The following SPPL2A variants were observed in gnomAD, a reference collection of about 807,000 sequenced individuals.
SPPL2A encodes the protein signal peptide peptidase-like 2A.
Under a neutral mutation model 63.8 loss-of-function variants are expected in SPPL2A, and 51 were observed. The observed-to-expected ratio is 0.80, with a 90% CI of 0.64 to 1.01. The LOEUF (loss-of-function observed/expected upper bound fraction) is 1.01, where lower values mean the gene tolerates loss of function less well. Among genes scored for constraint, SPPL2A ranks in the 50% least tolerant of loss-of-function variants. SPPL2A has a pLI of 0.00. For synonymous variants in SPPL2A, 188 were observed against 205.8 expected, an observed-to-expected ratio of 0.91 and a Z score of 0.74; for missense variants, 553 against 622.7, an observed-to-expected ratio of 0.89 and a Z score of 1.19.
chr15:50,718,079 C>T (rs1446499753), intron 14 of SPPL2A, among the ~76,000 whole-genome samples: 1 of 145,596 alleles, frequency 6.9e-6, no homozygotes, highest in Admixed American at 7.1e-5. Flanking sequence ...TCACGCCATT[C>T]TCCTGCCTCA....
At position 50,706,128 on chromosome 15, in the gene SPPL2A, AC is replaced by A. The variant is rs1401641787; in HGVS notation, c.*1671del. ...GAGATATGGCCGGGCGCGGTGGCTC[AC>A]GCCTGTAATCCCAGCACTTTGGGAG... On this transcript the variant is annotated 3_prime_UTR_variant, in exon 15 of 15. Coordinates refer to ENST00000261854, the MANE Select transcript of SPPL2A (RefSeq NM_032802.4). 6.6e-6 allele frequency: 1 copy of A among 152,170 alleles called. No individual in the cohort carries two copies. Among genetic ancestry groups the A allele is most frequent in the East Asian group, 1.9e-4 (1 of 5,192 alleles). The allele number at this position is 152,170 out of a possible 1,614,324, so 9.4% of individuals were successfully genotyped here. A position where few individuals can be genotyped will look rare whatever the true frequency, so the allele number is the denominator to read the frequency against.
intron 14 of SPPL2A, among the ~76,000 whole-genome samples, chr15:50,716,262 T>C (rs143581424): frequency 3.3e-5 from 5 of 152,320 alleles, no homozygotes; most frequent in African/African-American, 1.2e-4. Context: ...TGGCGCAATC[T>C]CAGCTCACTA....
rs530076861 is a variant in SPPL2A at position 50,737,611 on chromosome 15, C to T, written c.734-871G>A. Among the ~76,000 whole-genome samples the T allele has an allele frequency of 1.3e-4, 20 of 152,128 alleles. No individual in the cohort carries two copies. The South Asian group carries it at 3.1e-3, about 24-fold the overall frequency. On this transcript the variant is annotated intron_variant, in intron 6 of 14. Transcript: ENST00000261854. ...GGAACTACGGGCACGCACCACCATG[C>T]CCAGCTAATTTTTGTATTTTTAGTA...
At chr15:50,730,901 G>T in intron 10 of SPPL2A, 64 bp downstream of exon 10, 1 of 712,114 alleles carries the variant, frequency 1.4e-6, no homozygotes, top group South Asian at 1.6e-5. Context: ...AATAATCTAG[G>T]AGCAGATTTA....
chr15:50,749,559 T>A, intron 2 of SPPL2A, 77 bp downstream of exon 2: 1 of 937,752 alleles, frequency 1.1e-6, no homozygotes, highest in Non-Finnish European at 1.8e-6. Context: ...GTGCTGGGAT[T>A]ACAGGCATGA....
intron 14 of SPPL2A, among the ~76,000 whole-genome samples, chr15:50,713,086 CAAAGG>C (rs2062572626): frequency 6.6e-6 from 1 of 152,070 alleles, no homozygotes; most frequent in Non-Finnish European, 1.5e-5. Flanking sequence ...GAACTGATGT[CAAAGG>C]CCACAATACA....
At chr15:50,712,743 G>A (rs1456452835) in intron 14 of SPPL2A, among the ~76,000 whole-genome samples, 5 of 137,216 alleles carry the variant, frequency 3.6e-5, no homozygotes, top group East Asian at 2.2e-4. Flanking sequence ...GCAGTGATGC[G>A]ATCTCGATCT....
At chr15:50,741,666 C>T (rs1037668372) in intron 5 of SPPL2A, among the ~76,000 whole-genome samples, 1 of 152,102 alleles carries the variant, frequency 6.6e-6, no homozygotes, top group African/African-American at 2.4e-5. Context: ...ATTTATATCA[C>T]ATTAAAATAT....
chr15:50,732,800 T>A, intron 8 of SPPL2A, 116 bp from the exon 9 acceptor site: 1 of 663,370 alleles, frequency 1.5e-6, no homozygotes, highest in Non-Finnish European at 2.6e-6. Context: ...ATTCCTTTTT[T>A]TTTTTTAAGA....
intron 1 of SPPL2A, among the ~76,000 whole-genome samples, chr15:50,763,189 G>C (rs2063027189): frequency 6.6e-6 from 1 of 152,082 alleles, no homozygotes; most frequent in Non-Finnish European, 1.5e-5. Context: ...AATGGTAGAA[G>C]ACTTCAGACA....
chr15:50,718,282 G>A (rs1448794901), intron 14 of SPPL2A, among the ~76,000 whole-genome samples: 1 of 152,088 alleles, frequency 6.6e-6, no homozygotes, highest in Non-Finnish European at 1.5e-5. Flanking sequence ...CGGCTAGACT[G>A]TAACTTTCAA....
intron 1 of SPPL2A, among the ~76,000 whole-genome samples, chr15:50,754,479 G>GT (rs2141057809): frequency 6.6e-6 from 1 of 152,248 alleles, no homozygotes; most frequent in African/African-American, 2.4e-5. Context: ...ATAGTTGCAC[G>GT]TATCTGTGAA....
intron 6 of SPPL2A, among the ~76,000 whole-genome samples, chr15:50,737,733 G>A (rs553839832): frequency 2.0e-5 from 3 of 152,194 alleles, no homozygotes; most frequent in East Asian, 3.9e-4. Flanking sequence ...GATTACAGGC[G>A]AGAGCCACCG....
chr15:50,733,158 C>T (rs8024247), intron 8 of SPPL2A, among the ~76,000 whole-genome samples: 82,648 of 151,930 alleles, frequency 0.54, 22,794 homozygotes, highest in African/African-American at 0.64. Context: ...TAACAAAATA[C>T]CAGTGTTAAC....
chr15:50,730,532 G>A (rs2062722037), intron 10 of SPPL2A, among the ~76,000 whole-genome samples: 1 of 152,162 alleles, frequency 6.6e-6, no homozygotes, highest in Admixed American at 6.6e-5. Flanking sequence ...CTCATTCAAC[G>A]CGTTAGTAAA....
chr15:50,739,185 T>C (rs2141042755), intron 6 of SPPL2A, among the ~76,000 whole-genome samples: 1 of 150,478 alleles, frequency 6.6e-6, no homozygotes, highest in African/African-American at 2.4e-5. Context: ...TTTTTTTTTT[T>C]TTTTTTTTTT....
intron 8 of SPPL2A, among the ~76,000 whole-genome samples, chr15:50,734,905 T>G (rs78196407): frequency 0.038 from 5,768 of 152,208 alleles, 141 homozygotes; most frequent in Middle Eastern, 0.058. Context: ...CTCTCTCTCT[T>G]TTCTTTTTTT....
intron 1 of SPPL2A, among the ~76,000 whole-genome samples, chr15:50,762,899 A>AT (rs34293425): frequency 0.25 from 35,804 of 143,832 alleles, 5,259 homozygotes; most frequent in East Asian, 0.55. Context: ...CGCCCGGCTA[A>AT]TTTTTTTTTT....
chr15:50,754,079 G>A (rs138586575), intron 1 of SPPL2A, among the ~76,000 whole-genome samples: 144 of 152,332 alleles, frequency 9.5e-4, no homozygotes, highest in African/African-American at 3.3e-3. Context: ...TTACAGGCGT[G>A]AGCCACCATG....
Sources: gnomAD v4.1 joint callset for allele counts (sites outside exome capture counted in the v4.1 genomes callset) on GRCh38, gnomAD v4.1.1 for gene constraint, MANE v1.5 for transcripts, NCBI Gene and HGNC (gene_info 2026-07-23, HGNC 2026-07-21) for gene names.